PPP4R3B: variants seen among roughly 807,000 people sequenced by gnomAD.
PPP4R3B encodes serine/threonine-protein phosphatase 4 regulatory subunit 3B.
PPP4R3B carries 52 observed loss-of-function variants against 95.4 expected under a neutral mutation model. The ratio of observed to expected loss-of-function variants is 0.54; its 90% CI spans 0.44 to 0.69. PPP4R3B has a LOEUF of 0.69. Ranked by LOEUF, PPP4R3B falls within the 30% of genes least tolerant of loss-of-function variation. The pLI is 0.00. For missense variants in PPP4R3B, 1,003 were observed against 1,005.9 expected (o/e 1.00, Z 0.04); for synonymous variants, 407 against 343.9 (o/e 1.18, Z -2.03).
chr2:55,593,569 A>G (rs1691330523), intron 4 of PPP4R3B, among the ~76,000 whole-genome samples: 1 of 152,176 alleles, frequency 6.6e-6, no homozygotes, highest in Admixed American at 6.5e-5. Flanking sequence ...AAAAATTTCT[A>G]CATGGAAATC....
At chr2:55,564,821 A>G in intron 14 of PPP4R3B, 81 bp downstream of exon 14, 7 of 1,533,744 alleles carry the variant, frequency 4.6e-6, no homozygotes, top group Non-Finnish European at 6.2e-6. Flanking sequence ...TTCCTCAGTA[A>G]ATTTCACATG....
intron 1 of PPP4R3B, chr2:55,616,395 T>C (rs534376331): frequency 7.2e-5 from 11 of 152,366 alleles, no homozygotes; most frequent in Admixed American, 2.0e-4. Context: ...TAACTGCCTA[T>C]ATCAGTTGTT....
At chr2:55,558,326 T>G (rs969579063) in intron 16 of PPP4R3B, among the ~76,000 whole-genome samples, 22 of 152,018 alleles carry the variant, frequency 1.4e-4, no homozygotes, top group African/African-American at 5.3e-4. Context: ...GAAGGATGCT[T>G]ACATTTATTA....
In PPP4R3B at chr2:55,617,313, C is replaced by G. The variant is rs770819711; in HGVS notation, c.-28G>C. 1 of 1,554,236 alleles carries G rather than the reference C, an allele frequency of 6.4e-7. No individual in the cohort carries two copies. Among genetic ancestry groups the G allele is most frequent in the South Asian group, 1.2e-5 (1 of 86,182 alleles). On this transcript the variant is annotated 5_prime_UTR_variant, in exon 1 of 17. Coordinates refer to ENST00000616407, the MANE Select transcript of PPP4R3B (RefSeq NM_001122964.3). The stretch of plus-strand genomic sequence containing the variant: ...TGGCTGCTGTCTCCACCGCTCTAGC[C>G]GCCGCCTCCTCGCTTACCTCGTCCG...
Position 55,581,646 on chromosome 2 carries a change from G to C in PPP4R3B, c.1286C>G (p.Pro429Arg). ...TAACTGAACAGCGCCTCCTAGCTCAGGATCAGTATCACAGATCATTTGTTC... is the reference window on the plus strand; with the variant it reads ...TAACTGAACAGCGCCTCCTAGCTCACGATCAGTATCACAGATCATTTGTTC... ...VIEQMICDTDPELGGAVQLMG... is the reference protein window; with the variant it reads ...VIEQMICDTDRELGGAVQLMG... The change falls in exon 8 of 17, where the codon CCT (proline) becomes CGT (arginine). Residue 429 changes from proline to arginine, a missense_variant. Transcript: ENST00000616407. The C allele has an allele frequency of 6.2e-7, 1 of 1,613,420 alleles. No individual in the cohort carries two copies.
chr2:55,581,715 A>G lies in PPP4R3B; in HGVS notation c.1234-17T>C, dbSNP rs1394068055. 7.5e-6 allele frequency: 12 copies of G among 1,607,562 alleles called. No individual in the cohort carries two copies. The highest frequency in any genetic ancestry group is 1.0e-5 in the Non-Finnish European group (12 of 1,178,230). The stretch of plus-strand genomic sequence containing the variant: ...AAGAATATCCTGGTGGCAAAACAAA[A>G]CAAAACAAAACATGTTTCCATTAGA... On this transcript the variant is annotated splice_polypyrimidine_tract_variant and intron_variant, in intron 7 of 16. Transcript: ENST00000616407.
At chr2:55,560,816 C>G (rs1327629393) in intron 15 of PPP4R3B, among the ~76,000 whole-genome samples, 1 of 143,598 alleles carries the variant, frequency 7.0e-6, no homozygotes, top group Non-Finnish European at 1.5e-5. Context: ...AAAAAAGAGG[C>G]CTTCTGGCGG....
chr2:55,557,718 T>C (rs1686032506), intron 16 of PPP4R3B, among the ~76,000 whole-genome samples: 1 of 152,184 alleles, frequency 6.6e-6, no homozygotes, highest in South Asian at 2.1e-4. Context: ...TTTAATTAGG[T>C]ATGTACTACC....
chr2:55,559,892 A>G (rs1686370556), intron 15 of PPP4R3B, among the ~76,000 whole-genome samples: 1 of 151,926 alleles, frequency 6.6e-6, no homozygotes, highest in African/African-American at 2.4e-5. Flanking sequence ...GTGGCTGAGG[A>G]GGGTGGATCA....
In PPP4R3B at chr2:55,579,736, T is replaced by C. The variant is rs756467875; in HGVS notation, c.1411A>G (p.Met471Val). Residue 471 changes from methionine (M) to valine (V), a missense_variant, in exon 9 of 17, where the codon ATG becomes GTG. Physicochemically the swap from Met to Val is conservative, Grantham distance 21. Transcript: ENST00000616407. Reference protein sequence around the residue: ...EFLNFFYNHCMHVLTAPLLTN... With the variant: ...EFLNFFYNHCVHVLTAPLLTN... ...AAAAGTGGTGCTGTGAGAACATGCA[T>C]ACAATGGTTGTAGAAAAAATTTAGA... The C allele has an allele frequency of 1.9e-5, 30 of 1,607,654 alleles. No individual in the cohort carries two copies. Among genetic ancestry groups the C allele is most frequent in the Non-Finnish European group, 2.4e-5 (28 of 1,177,036 alleles).
chr2:55,579,207 T>A (rs957613409), intron 9 of PPP4R3B, among the ~76,000 whole-genome samples: 1 of 152,056 alleles, frequency 6.6e-6, no homozygotes, highest in African/African-American at 2.4e-5. Context: ...AATGCAATTT[T>A]AAAAATACTA....
At chr2:55,569,497 C>T (rs1687720555) in intron 12 of PPP4R3B, among the ~76,000 whole-genome samples, 1 of 152,140 alleles carries the variant, frequency 6.6e-6, no homozygotes, top group South Asian at 2.1e-4. Context: ...CTGGCTCTGC[C>T]TTCTAGAAAG....
Position 55,558,958 on chromosome 2 carries a change from ACTTT to A in PPP4R3B, c.2267_2270del (p.Glu756ValfsTer35). On this transcript the variant is annotated frameshift_variant, in exon 16 of 17. Transcript: ENST00000616407. LOFTEE classifies it high-confidence loss of function. ...TTTTGGGAAGGTTTTCCTTGTCTTC[ACTTT>A]CTTTTGCTAAAGCAAAAGTAAAATT... is the stretch of plus-strand genomic sequence containing the variant. 1 of 1,606,614 alleles carries A rather than the reference ACTTT, an allele frequency of 6.2e-7. No homozygotes were observed. The highest frequency in any genetic ancestry group is 8.5e-7 in the Non-Finnish European group (1 of 1,177,370).
chr2:55,592,468 C>G (rs2104386150), intron 4 of PPP4R3B, among the ~76,000 whole-genome samples: 1 of 152,226 alleles, frequency 6.6e-6, no homozygotes. Context: ...AAATCCTGTA[C>G]TTGAATCCAA....
intron 2 of PPP4R3B, among the ~76,000 whole-genome samples, chr2:55,613,168 T>C (rs1336755499): frequency 6.6e-6 from 1 of 152,068 alleles, no homozygotes; most frequent in African/African-American, 2.4e-5. Flanking sequence ...AAAAACCATG[T>C]CTATTACAAA....
intron 16 of PPP4R3B, among the ~76,000 whole-genome samples, chr2:55,550,743 C>T (rs1169430027): frequency 6.6e-6 from 1 of 152,124 alleles, no homozygotes; most frequent in Non-Finnish European, 1.5e-5. Context: ...TCAAACCCTT[C>T]AGACCTCTAG....
chr2:55,609,511 A>T (rs906797452), intron 2 of PPP4R3B, among the ~76,000 whole-genome samples: 2 of 152,038 alleles, frequency 1.3e-5, no homozygotes, highest in African/African-American at 4.8e-5. Context: ...GCATAATCCC[A>T]TATCTACAAA....
At chr2:55,556,616 A>C (rs1323627997) in intron 16 of PPP4R3B, among the ~76,000 whole-genome samples, 1 of 150,554 alleles carries the variant, frequency 6.6e-6, no homozygotes, top group Admixed American at 6.6e-5. Flanking sequence ...AAGTACATGC[A>C]TGTATTACTT....
Position 55,579,765 on chromosome 2 carries a change from T to C in PPP4R3B, c.1382A>G (p.Glu461Gly). Residue 461 changes from glutamate to glycine, a missense_variant, in exon 9 of 17, where the codon GAA becomes GGA. Transcript: ENST00000616407. ...ATGGTTGTAGAAAAAATTTAGAAAT[T>C]CACTTTTTTCGGTTTTCTGAAACAT... ...LATTNKTEKS[E>G]FLNFFYNHCM... The C allele has an allele frequency of 6.2e-7, 1 of 1,603,616 alleles. No individual in the cohort carries two copies. Among genetic ancestry groups the C allele is most frequent in the Non-Finnish European group, 8.5e-7 (1 of 1,176,348 alleles).
Sources: allele counts gnomAD v4.1 joint callset (sites outside exome capture counted in the v4.1 genomes callset), GRCh38; gene constraint gnomAD v4.1.1; transcripts MANE v1.5; gene names NCBI Gene and HGNC (gene_info 2026-07-23, HGNC 2026-07-21).